The following ADARB2 variants were observed in gnomAD, a reference collection of about 807,000 sequenced individuals.
The protein encoded by ADARB2 is adenosine deaminase RNA specific B2 (inactive).
In ADARB2, 25 loss-of-function variants were observed where a neutral mutation model predicts 62.2. That is an observed-to-expected ratio of 0.40 (90% CI 0.29 to 0.56). ADARB2 has a LOEUF of 0.56. ADARB2 is among the 20% of genes least tolerant of loss of function. The pLI, the probability that ADARB2 is intolerant of heterozygous loss-of-function variation, is 0.43. For synonymous variants in ADARB2, 572 were observed against 500.8 expected (o/e 1.14, Z -1.90); for missense variants, 1,071 against 1,077.4 (o/e 0.99, Z 0.08).
At chr10:1,210,400 G>A (rs1489652840) in intron 7 of ADARB2, among the ~76,000 whole-genome samples, 2 of 152,168 alleles carry the variant, frequency 1.3e-5, no homozygotes, top group East Asian at 1.9e-4. Context: ...ATATGACCAC[G>A]GGTTCCCGGC....
rs955102075 is a variant in ADARB2, at chr10:1,398,772, G to A, written c.101-19612C>T. Among the ~76,000 whole-genome samples, 1 of 152,126 alleles carries A rather than the reference G, an allele frequency of 6.6e-6. No homozygotes were observed. The highest frequency in any genetic ancestry group is 1.5e-5 in the Non-Finnish European group (1 of 68,024). ...AGCTCTCGGCTCTGCGTGGATTGGC[G>A]TGCCCGTTTACCTGAGAGGCCAGGT... is the stretch of plus-strand genomic sequence containing the variant. On this transcript the variant is annotated intron_variant, in intron 1 of 9. Transcript: ENST00000381312. The surrounding 1 kb of genome is among the most constrained non-coding windows in gnomAD (Gnocchi z 4.1).
At chr10:1,338,528 T>G (rs1227168869) in intron 3 of ADARB2, among the ~76,000 whole-genome samples, 1 of 152,136 alleles carries the variant, frequency 6.6e-6, no homozygotes, top group Non-Finnish European at 1.5e-5. Context: ...TCAAGTGAGG[T>G]GTTGTTTAGA....
At chr10:1,507,563 A>G (rs1466753233) in intron 1 of ADARB2, among the ~76,000 whole-genome samples, 1 of 152,144 alleles carries the variant, frequency 6.6e-6, no homozygotes, top group African/African-American at 2.4e-5. Context: ...CCGTCTGGAG[A>G]TGTTTACCCT....
intron 1 of ADARB2, among the ~76,000 whole-genome samples, chr10:1,522,036 A>G (rs1832080305): frequency 6.6e-6 from 1 of 152,186 alleles, no homozygotes; most frequent in Admixed American, 6.5e-5. Flanking sequence ...ATTGACACTT[A>G]GTTAAACATG....
At chr10:1,735,403 C>T (rs1354937733) in intron 1 of ADARB2, among the ~76,000 whole-genome samples, 1 of 152,218 alleles carries the variant, frequency 6.6e-6, no homozygotes, top group African/African-American at 2.4e-5. Flanking sequence ...AAAGGCAACA[C>T]TTTCCTCCTG....
intron 3 of ADARB2, chr10:1,293,015 A>AGAG (rs1831483681): frequency 2.6e-5 from 1 of 38,434 alleles, no homozygotes; most frequent in African/African-American, 1.1e-4. Flanking sequence ...GGAGAGAGGG[A>AGAG]GGGGAGAGAG....
At chr10:1,598,336 C>T (rs1278190983) in intron 1 of ADARB2, among the ~76,000 whole-genome samples, 1 of 152,012 alleles carries the variant, frequency 6.6e-6, no homozygotes, top group East Asian at 1.9e-4. Context: ...GCTCACAATT[C>T]CAGAGGTGGG....
chr10:1,459,233 C>T (rs1174867485), intron 1 of ADARB2, among the ~76,000 whole-genome samples: 1 of 152,060 alleles, frequency 6.6e-6, no homozygotes, highest in East Asian at 1.9e-4. Flanking sequence ...CGTGTATGTT[C>T]ACTGCAGCAC....
chr10:1,570,154 T>C (rs1475561288), intron 1 of ADARB2, among the ~76,000 whole-genome samples: 1 of 152,240 alleles, frequency 6.6e-6, no homozygotes, highest in Non-Finnish European at 1.5e-5. Context: ...GTTAAATGCA[T>C]CCACTTATGA....
At chr10:1,243,007 C>CT (rs1830942582) in intron 4 of ADARB2, among the ~76,000 whole-genome samples, 1 of 152,214 alleles carries the variant, frequency 6.6e-6, no homozygotes, top group Non-Finnish European at 1.5e-5. Context: ...TTGCTGTGCT[C>CT]TAACAGGTCT....
intron 1 of ADARB2, among the ~76,000 whole-genome samples, chr10:1,694,785 G>A: frequency 6.6e-6 from 1 of 152,234 alleles, no homozygotes; most frequent in Non-Finnish European, 1.5e-5. Flanking sequence ...CAGGCTCAGA[G>A]CCGAGGGAGG....
chr10:1,343,009 G>C (rs79745787), intron 3 of ADARB2, among the ~76,000 whole-genome samples: 1 of 152,174 alleles, frequency 6.6e-6, no homozygotes, highest in African/African-American at 2.4e-5. Flanking sequence ...CAAGAACAGG[G>C]TGTGGTCATG....
At chr10:1,436,792 T>C (rs1830839314) in intron 1 of ADARB2, among the ~76,000 whole-genome samples, 1 of 152,232 alleles carries the variant, frequency 6.6e-6, no homozygotes, top group Non-Finnish European at 1.5e-5. Context: ...CTTGTAACCC[T>C]GAAGCATCTT....
chr10:1,269,276 T>G (rs376986941), intron 4 of ADARB2, among the ~76,000 whole-genome samples: 1 of 152,224 alleles, frequency 6.6e-6, no homozygotes, highest in Admixed American at 6.5e-5. Flanking sequence ...TGTAATTCTT[T>G]TATAGTTCTT....
intron 1 of ADARB2, among the ~76,000 whole-genome samples, chr10:1,736,431 T>C (rs541863801): frequency 5.0e-4 from 76 of 152,314 alleles, no homozygotes; most frequent in South Asian, 1.0e-3. Context: ...TGGTTTGCGG[T>C]TTTTTTCTAC....
In ADARB2 at chr10:1,707,565, C is replaced by T. The variant is rs191171405; in HGVS notation, c.100+29486G>A. On this transcript the variant is annotated intron_variant, in intron 1 of 9. Coordinates refer to ENST00000381312, the MANE Select transcript of ADARB2 (RefSeq NM_018702.4). ...GAAGATGGTGTTTGAAAATCGATCC[C>T]GTGGCCTGGTCTGTTAGGTGGAGAG... Among the ~76,000 whole-genome samples, 172 of 152,290 alleles carry T rather than the reference C, an allele frequency of 1.1e-3. 2 individuals are homozygous for T. Among genetic ancestry groups the T allele is most frequent in the Admixed American group, 9.9e-3 (151 of 15,300 alleles).
intron 1 of ADARB2, among the ~76,000 whole-genome samples, chr10:1,575,114 A>G (rs955796783): frequency 3.0e-5 from 1 of 33,134 alleles, no homozygotes; most frequent in Non-Finnish European, 7.1e-5. Context: ...GTGAATTAAG[A>G]TTATTGATGG....
chr10:1,422,827 G>A (rs1179875322), intron 1 of ADARB2, among the ~76,000 whole-genome samples: 1 of 152,190 alleles, frequency 6.6e-6, no homozygotes, highest in Non-Finnish European at 1.5e-5. Flanking sequence ...AAGGGCATTA[G>A]CGTACCTCCT....
At chr10:1,677,292 T>C (rs1332201983) in intron 1 of ADARB2, among the ~76,000 whole-genome samples, 1 of 152,200 alleles carries the variant, frequency 6.6e-6, no homozygotes, top group Non-Finnish European at 1.5e-5. Flanking sequence ...CGGACCACTC[T>C]ATGCTTCAGC....
Sources: gnomAD v4.1 joint callset for allele counts (sites outside exome capture counted in the v4.1 genomes callset) on GRCh38, gnomAD v4.1.1 for gene constraint, Gnocchi (gnomAD v3.1) non-coding constraint, MANE v1.5 for transcripts, NCBI Gene and HGNC (gene_info 2026-07-23, HGNC 2026-07-21) for gene names.